CHD7: variants seen among roughly 807,000 people sequenced by gnomAD.
CHD7 encodes the protein ATP-dependent chromatin remodeler CHD7.
In CHD7, 24 loss-of-function variants were observed where a neutral mutation model predicts 307.3. The observed-to-expected ratio is 0.08, with a 90% CI of 0.06 to 0.11. CHD7 has a LOEUF of 0.11. Among genes scored for constraint, CHD7 ranks in the 10% least tolerant of loss-of-function variants. CHD7 has a pLI of 1.00. For missense variants in CHD7, 3,106 were observed against 3,727.1 expected, an observed-to-expected ratio of 0.83 and a Z score of 4.34; for synonymous variants, 1,363 against 1,349.9, an observed-to-expected ratio of 1.01 and a Z score of -0.21.
Position 60,781,215 on chromosome 8 carries a change from A to G in CHD7, c.1881A>G (p.Gln627=), listed in dbSNP as rs751273179. The change falls in exon 3 of 38, where the codon CAA becomes CAG. Residue 627 remains glutamine, a synonymous_variant. Transcript: ENST00000423902. ...KDDFPGGVDN[Q]ELNRNSLDGS... ...ACTTCCCTGGTGGGGTAGATAACCA[A>G]GAACTAAATAGGAACTCACTGGATG... The G allele has an allele frequency of 3.1e-6, 5 of 1,594,086 alleles. No homozygotes were observed. The highest frequency in any genetic ancestry group is 2.7e-5 in the African/African-American group (2 of 74,512).
chr8:60,851,364 A>ACT, intron 28 of CHD7, 45 bp downstream of exon 28: 1 of 1,423,292 alleles, frequency 7.0e-7, no homozygotes, highest in Non-Finnish European at 9.7e-7. Context: ...ACGTGCACTG[A>ACT]GCAGTCATTG....
At chr8:60,860,409 A>G (rs1286870285) in intron 34 of CHD7, among the ~76,000 whole-genome samples, 1 of 152,160 alleles carries the variant, frequency 6.6e-6, no homozygotes, top group Non-Finnish European at 1.5e-5. Context: ...AGTGTGAAGA[A>G]TGATATAAAA....
chr8:60,717,370 T>G (rs143943784), intron 1 of CHD7, among the ~76,000 whole-genome samples: 75 of 152,298 alleles, frequency 4.9e-4, no homozygotes, highest in African/African-American at 1.7e-3. Flanking sequence ...GGGCACAAAG[T>G]TATTTCACAT....
intron 2 of CHD7, among the ~76,000 whole-genome samples, chr8:60,744,478 ATTTTTT>A (rs569101482): frequency 1.5e-5 from 1 of 66,668 alleles, no homozygotes. Flanking sequence ...TCAGAGCAGC[ATTTTTT>A]TTTTTTTTTT....
intron 35 of CHD7, 190 bp from the exon 36 acceptor site, chr8:60,862,006 C>G (rs1431260146): frequency 2.2e-6 from 1 of 456,030 alleles, no homozygotes; most frequent in Non-Finnish European, 3.8e-6. Flanking sequence ...CTTATGTATT[C>G]CTTAATGGAC....
At chr8:60,755,690 A>G (rs1354542416) in intron 2 of CHD7, among the ~76,000 whole-genome samples, 2 of 152,168 alleles carry the variant, frequency 1.3e-5, no homozygotes, top group African/African-American at 4.8e-5. Context: ...ATCTATATAC[A>G]ATCTGTGTAT....
chr8:60,773,581 A>G (rs1586303743), intron 2 of CHD7, among the ~76,000 whole-genome samples: 1 of 152,144 alleles, frequency 6.6e-6, no homozygotes, highest in East Asian at 1.9e-4. Flanking sequence ...TACTTTTCCT[A>G]AGAAGTAGCA....
chr8:60,787,817 T>A (rs574333106), intron 3 of CHD7, among the ~76,000 whole-genome samples: 1 of 146,158 alleles, frequency 6.8e-6, no homozygotes, highest in Non-Finnish European at 1.5e-5. Flanking sequence ...CGGTAACTTG[T>A]AGATTTTCTT....
chr8:60,769,469 G>A (rs1308821812), intron 2 of CHD7, among the ~76,000 whole-genome samples: 4 of 152,162 alleles, frequency 2.6e-5, no homozygotes, highest in Non-Finnish European at 5.9e-5. Flanking sequence ...TTGAAGATAC[G>A]TGTGTACCTC....
At chr8:60,682,819 A>G (rs528366498) in intron 1 of CHD7, among the ~76,000 whole-genome samples, 1 of 152,374 alleles carries the variant, frequency 6.6e-6, no homozygotes, top group South Asian at 2.1e-4. Flanking sequence ...AGAAACATCG[A>G]ATATAAATGT....
intron 4 of CHD7, among the ~76,000 whole-genome samples, chr8:60,795,584 T>C (rs1467311152): frequency 1.3e-5 from 2 of 152,230 alleles, no homozygotes; most frequent in East Asian, 1.9e-4. Flanking sequence ...AGTTGAGATA[T>C]AGTCATGTAA....
intron 1 of CHD7, among the ~76,000 whole-genome samples, chr8:60,735,893 A>G (rs955943925): frequency 2.6e-5 from 4 of 152,222 alleles, no homozygotes; most frequent in African/African-American, 9.6e-5. Flanking sequence ...TGAGCACTTG[A>G]ATGTGGCTTG....
At chr8:60,804,350 T>G (rs979469659) in intron 6 of CHD7, among the ~76,000 whole-genome samples, 3 of 152,172 alleles carry the variant, frequency 2.0e-5, no homozygotes, top group African/African-American at 7.2e-5. Context: ...CTTTTTTTTT[T>G]GTATCAGAAG....
In CHD7 at chr8:60,795,009, C is replaced by G; in HGVS notation, c.2120C>G (p.Ala707Gly). The change falls in exon 4 of 38, where the codon GCA (alanine) becomes GGA (glycine). Residue 707 changes from alanine to glycine, a missense_variant. Physicochemically the swap from Ala to Gly is moderately conservative, Grantham distance 60. Coordinates refer to ENST00000423902, the MANE Select transcript of CHD7 (RefSeq NM_017780.4). ...AGTAATAAGAAACCTGACTCAGAAG[C>G]AAGTGCTTTGAAGAAAAAGGTCAAC... ...KSSNKKPDSE[A>G]SALKKKVNKG... 1 of 1,613,552 alleles carries G rather than the reference C, an allele frequency of 6.2e-7. No homozygotes were observed. The highest frequency in any genetic ancestry group is 8.5e-7 in the Non-Finnish European group (1 of 1,179,688).
intron 34 of CHD7, among the ~76,000 whole-genome samples, chr8:60,858,845 A>G (rs970549967): frequency 6.6e-6 from 1 of 152,216 alleles, no homozygotes; most frequent in Non-Finnish European, 1.5e-5. Context: ...TCTGGGCTCA[A>G]GTAATCCACC....
In CHD7 at chr8:60,837,685, T is replaced by C. The variant is rs969238742; in HGVS notation, c.4203T>C (p.His1401=). 8 of 1,572,436 alleles carry C rather than the reference T, an allele frequency of 5.1e-6. No homozygotes were observed. Among genetic ancestry groups the C allele is most frequent in the Non-Finnish European group, 6.0e-6 (7 of 1,157,954 alleles). The change falls in exon 18 of 38, where the codon CAT becomes CAC. Residue 1401 remains histidine (H), a synonymous_variant. Coordinates refer to ENST00000423902, the MANE Select transcript of CHD7 (RefSeq NM_017780.4). ...TCTTCCAGGCTCAGGCTAGATGTCA[T>C]AGAATAGGACAGAGCAAATCTGTGA... ...QNDLQAQARC[H]RIGQSKSVKI... is the part of the protein sequence containing the mutation.
chr8:60,848,023 G>A (rs1168984988), intron 23 of CHD7, among the ~76,000 whole-genome samples: 1 of 151,902 alleles, frequency 6.6e-6, no homozygotes, highest in Non-Finnish European at 1.5e-5. Flanking sequence ...TCCATATTGA[G>A]GGTTTATTGT....
intron 16 of CHD7, 51 bp downstream of exon 16, chr8:60,836,334 C>CAGGGGTCCAAAATTACCTTCA (rs1804740747): frequency 1.5e-5 from 22 of 1,514,408 alleles, no homozygotes; most frequent in Non-Finnish European, 2.0e-5. Context: ...AATTACCTTC[C>CAGGGGTCCAAAATTACCTTCA]CAGGGGTCCA....
chr8:60,712,221 TAC>T (rs965085785), intron 1 of CHD7, among the ~76,000 whole-genome samples: 2 of 152,354 alleles, frequency 1.3e-5, no homozygotes, highest in South Asian at 2.1e-4. Context: ...AAAAAATAAT[TAC>T]AGATGCTTCA....
Sources: allele counts gnomAD v4.1 joint callset (sites outside exome capture counted in the v4.1 genomes callset), GRCh38; gene constraint gnomAD v4.1.1; transcripts MANE v1.5; gene names NCBI Gene and HGNC (gene_info 2026-07-23, HGNC 2026-07-21).